The following NRXN3 variants were observed in gnomAD, a reference collection of about 807,000 sequenced individuals.
NRXN3 encodes the protein neurexin 3, also known as neurexin III.
In NRXN3, 32 loss-of-function variants were observed where a neutral mutation model predicts 137.6. The observed-to-expected ratio is 0.23, with a 90% CI of 0.18 to 0.31. The LOEUF is 0.31. Ranked by LOEUF, NRXN3 falls within the 10% of genes least tolerant of loss-of-function variation. The pLI is 1.00. For missense variants in NRXN3, 1,574 were observed against 2,062.5 expected (o/e 0.76, Z 4.59); for synonymous variants, 798 against 784.5 (o/e 1.02, Z -0.29).
chr14:78,500,689 A>T (rs2095862722), intron 4 of NRXN3, among the ~76,000 whole-genome samples: 1 of 152,188 alleles, frequency 6.6e-6, no homozygotes, highest in Non-Finnish European at 1.5e-5. Context: ...AGACAGCTGG[A>T]TGGTTGCATG....
chr14:78,893,165 C>T (rs2099164154), intron 10 of NRXN3, among the ~76,000 whole-genome samples: 1 of 151,934 alleles, frequency 6.6e-6, no homozygotes, highest in South Asian at 2.1e-4. Flanking sequence ...CTGTATATTT[C>T]AATCTATCCA....
chr14:79,054,922 C>T (rs1250255896), intron 15 of NRXN3, among the ~76,000 whole-genome samples: 1 of 152,092 alleles, frequency 6.6e-6, no homozygotes, highest in African/African-American at 2.4e-5. Context: ...TGTTAGTTTA[C>T]CATTTGTGAG....
At position 79,647,478 on chromosome 14, in the gene NRXN3, T is replaced by C. The variant is rs2098457790; in HGVS notation, c.3445-16300T>C. Among the ~76,000 whole-genome samples the C allele has an allele frequency of 1.5e-5, 2 of 136,228 alleles. 1 individual carries two copies. The highest frequency in any genetic ancestry group is 4.9e-5 in the African/African-American group (2 of 40,860). The allele number at this position is 136,228 out of a possible 152,430, so 89.4% of individuals were successfully genotyped here. ...CGGCATTGATTAATCCTACTGTTTA[T>C]TGGCTAAGTGTACATTTCCTATTGG... On this transcript the variant is annotated intron_variant, in intron 16 of 20. Transcript: ENST00000335750.
rs369769332 is a variant in NRXN3, at chr14:79,739,721, G to A, written c.4014+41784G>A. On this transcript the variant is annotated intron_variant, in intron 19 of 20. Transcript: ENST00000335750. Reference sequence around the variant, plus strand: ...GTGCGATCAGGTGCCAGGTACTCTTGTCTACTGTGCTGACCATATGCTGTT... The same window carrying A: ...GTGCGATCAGGTGCCAGGTACTCTTATCTACTGTGCTGACCATATGCTGTT... 1.2e-4 allele frequency among the ~76,000 whole-genome samples: 17 copies of A among 141,390 alleles called. No homozygotes were observed. In the East Asian group the frequency reaches 2.2e-3, roughly 19 times the overall value. The allele number at this position is 141,390 out of a possible 152,430, so 92.8% of individuals were successfully genotyped here.
At chr14:79,721,294 C>T (rs17764512) in intron 19 of NRXN3, among the ~76,000 whole-genome samples, 38,893 of 151,922 alleles carry the variant, frequency 0.26, 5,650 homozygotes, top group Middle Eastern at 0.37. Flanking sequence ...CCTTCTCCTT[C>T]GATATCATTA....
intron 6 of NRXN3, among the ~76,000 whole-genome samples, chr14:78,692,082 G>A (rs1231746392): frequency 6.6e-6 from 1 of 152,090 alleles, no homozygotes; most frequent in Non-Finnish European, 1.5e-5. Context: ...TTTGTTTGGA[G>A]GTAGAAACGC....
At chr14:78,196,786 A>G (rs1450114054) in intron 1 of NRXN3, among the ~76,000 whole-genome samples, 2 of 152,224 alleles carry the variant, frequency 1.3e-5, no homozygotes, top group Non-Finnish European at 2.9e-5. Flanking sequence ...TGGGAGGTCC[A>G]TCTTAGTTAC....
chr14:79,612,401 A>G (rs1027150049), intron 16 of NRXN3, among the ~76,000 whole-genome samples: 5 of 152,184 alleles, frequency 3.3e-5, no homozygotes, highest in Admixed American at 6.5e-5. Flanking sequence ...CTTCCTCTGC[A>G]GTACAGTGAT....
intron 15 of NRXN3, among the ~76,000 whole-genome samples, chr14:79,272,321 T>C (rs2079478962): frequency 6.6e-6 from 1 of 151,786 alleles, no homozygotes; most frequent in Non-Finnish European, 1.5e-5. Context: ...GCCCATAGTA[T>C]GTATAAATTT....
At chr14:79,162,603 CACCATCACTG>C (rs1434424331) in intron 15 of NRXN3, among the ~76,000 whole-genome samples, 1 of 151,848 alleles carries the variant, frequency 6.6e-6, no homozygotes, top group Non-Finnish European at 1.5e-5. Flanking sequence ...AAAAAATGCT[CACCATCACTG>C]GCCATCAGAG....
intron 4 of NRXN3, among the ~76,000 whole-genome samples, chr14:78,540,584 T>A (rs1046450820): frequency 4.6e-5 from 7 of 152,204 alleles, no homozygotes; most frequent in African/African-American, 1.7e-4. Flanking sequence ...TGCCAGTCTG[T>A]GTCTTTTAAT....
chr14:78,758,374 C>A (rs1595572299), intron 8 of NRXN3, among the ~76,000 whole-genome samples: 3 of 152,192 alleles, frequency 2.0e-5, no homozygotes, highest in Admixed American at 2.0e-4. Context: ...CCATGGCCAA[C>A]ATGACTAATG....
chr14:78,617,655 G>A (rs887012775), intron 4 of NRXN3, among the ~76,000 whole-genome samples: 2 of 151,966 alleles, frequency 1.3e-5, no homozygotes, highest in African/African-American at 4.8e-5. Flanking sequence ...TTGCTTCTTG[G>A]AGTCTGCTTT....
chr14:79,116,110 C>G (rs1179145362), intron 15 of NRXN3, among the ~76,000 whole-genome samples: 2 of 152,168 alleles, frequency 1.3e-5, no homozygotes, highest in Non-Finnish European at 2.9e-5. Flanking sequence ...GCACAAAATT[C>G]AATTGCTGTG....
chr14:79,016,829 G>A (rs376839103), intron 15 of NRXN3, among the ~76,000 whole-genome samples: 3 of 152,146 alleles, frequency 2.0e-5, no homozygotes, highest in Non-Finnish European at 2.9e-5. Context: ...GAACTGTAAC[G>A]TCAAGAGAGA....
At chr14:78,202,863 G>A (rs2061807216) in intron 1 of NRXN3, among the ~76,000 whole-genome samples, 1 of 152,176 alleles carries the variant, frequency 6.6e-6, no homozygotes. Flanking sequence ...AATGCCATAG[G>A]TAGAATTAGC....
chr14:79,845,607 A>AGAGACGGAGACGGG (rs2099365837), intron 20 of NRXN3, among the ~76,000 whole-genome samples: 1 of 142,002 alleles, frequency 7.0e-6, no homozygotes. Flanking sequence ...AGAGAGACAG[A>AGAGACGGAGACGGG]GAGAGAGACG....
chr14:79,553,063 G>A lies in NRXN3; in HGVS notation c.3444+85661G>A, dbSNP rs113643392. 5.6e-3 allele frequency among the ~76,000 whole-genome samples: 851 copies of A among 152,230 alleles called. 5 individuals are homozygous for A. The highest frequency in any genetic ancestry group is 0.02 in the African/African-American group (827 of 41,546). On this transcript the variant is annotated intron_variant, in intron 16 of 20. Transcript: ENST00000335750. The stretch of plus-strand genomic sequence containing the variant: ...CTTAGGAAAGGAATGTGGGGGGTGG[G>A]GAAAGCTGTGCAGGAGAAAGTCAGA...
At chr14:79,108,210 T>C (rs958548615) in intron 15 of NRXN3, among the ~76,000 whole-genome samples, 1 of 152,190 alleles carries the variant, frequency 6.6e-6, no homozygotes, top group Non-Finnish European at 1.5e-5. Flanking sequence ...GCCCTGTATT[T>C]TCAAGGGTGA....
Sources: gnomAD v4.1 joint callset for allele counts (sites outside exome capture counted in the v4.1 genomes callset) on GRCh38, gnomAD v4.1.1 for gene constraint, MANE v1.5 for transcripts, NCBI Gene and HGNC (gene_info 2026-07-23, HGNC 2026-07-21) for gene names.